The following ATP2C2 variants were observed in gnomAD, a reference collection of about 807,000 sequenced individuals.
ATP2C2 encodes the protein calcium-transporting ATPase type 2C member 2.
Under a neutral mutation model 110.8 loss-of-function variants are expected in ATP2C2, and 171 were observed. The ratio of observed to expected loss-of-function variants is 1.54; its 90% confidence interval spans 1.36 to 1.75. The LOEUF (loss-of-function observed/expected upper bound fraction) is 1.75, where lower values mean the gene tolerates loss of function less well. ATP2C2 is among the 40% of genes most tolerant of loss of function. The pLI, the probability that ATP2C2 is intolerant of heterozygous loss-of-function variation, is 0.00. For synonymous variants in ATP2C2, 804 were observed against 508.4 expected (o/e 1.58, Z -7.82); for missense variants, 1,963 against 1,235.0 (o/e 1.59, Z -8.84).
Position 84,461,806 on chromosome 16 carries a change from C to T in ATP2C2, c.2574C>T (p.Arg858=), listed in dbSNP as rs373892850. The stretch of plus-strand genomic sequence containing the variant: ...ATCTCTTCAACGCCTTGACCTGCCG[C>T]TCTCAGGTGAGACCCGGGCTGACCC... ...FFDLFNALTC[R]SQTKLIFEIG... is the part of the protein sequence containing the mutation. The change falls in exon 25 of 27, where the codon CGC becomes CGT. Residue 858 remains arginine (R), a synonymous_variant. Coordinates refer to ENST00000262429, the MANE Select transcript of ATP2C2 (RefSeq NM_014861.4). The T allele has an allele frequency of 1.5e-5, 24 of 1,613,792 alleles. No homozygotes were observed. Among genetic ancestry groups the T allele is most frequent in the Non-Finnish European group, 2.0e-5 (24 of 1,179,736 alleles).
At chr16:84,430,144 C>G (rs1908137645) in intron 11 of ATP2C2, among the ~76,000 whole-genome samples, 1 of 152,140 alleles carries the variant, frequency 6.6e-6, no homozygotes, top group African/African-American at 2.4e-5. Flanking sequence ...TCACGTGTAC[C>G]AGGAGTTAGG....
Position 84,459,402 on chromosome 16 carries a change from C to T in ATP2C2, c.2333+16C>T, listed in dbSNP as rs772784804. On this transcript the variant is annotated intron_variant, in intron 23 of 26. Coordinates refer to ENST00000262429, the MANE Select transcript of ATP2C2 (RefSeq NM_014861.4). ...CGGCGCAGAGGTGAGGCAGGGCCGGCTGGGAGCCCTGTGTCTCTTTACCCA... is the reference window on the plus strand; with the variant it reads ...CGGCGCAGAGGTGAGGCAGGGCCGGTTGGGAGCCCTGTGTCTCTTTACCCA... The T allele has an allele frequency of 1.2e-5, 19 of 1,611,370 alleles. No homozygotes were observed. The highest frequency in any genetic ancestry group is 1.4e-5 in the Non-Finnish European group (17 of 1,177,656).
intron 10 of ATP2C2, among the ~76,000 whole-genome samples, chr16:84,424,049 A>G (rs1051073584): frequency 6.6e-6 from 1 of 152,156 alleles, no homozygotes; most frequent in Non-Finnish European, 1.5e-5. Flanking sequence ...CCTGGCCCCT[A>G]ATAGATTCTC....
Position 84,408,438 on chromosome 16 carries a change from T to C in ATP2C2, c.361T>C (p.Ser121Pro), listed in dbSNP as rs781492774. Residue 121 changes from serine (S) to proline (P), a missense_variant, in exon 4 of 27, where the codon TCT becomes CCT. By Grantham distance (74) the Ser-to-Pro change is moderately conservative. Transcript: ENST00000262429. Reference protein sequence around the residue: ...KNPLILLLLGSALVSVLTKEY... With the variant: ...KNPLILLLLGPALVSVLTKEY... ...CCCCCTGATCCTGCTGCTGCTGGGC[T>C]CTGCCCTGGTGAGTGTCCTCACCAA... is the stretch of plus-strand genomic sequence containing the variant. The C allele has an allele frequency of 3.1e-6, 5 of 1,613,930 alleles. No homozygotes were observed. The highest frequency in any genetic ancestry group is 3.4e-6 in the Non-Finnish European group (4 of 1,180,004).
intron 1 of ATP2C2, among the ~76,000 whole-genome samples, chr16:84,388,753 T>A (rs998470928): frequency 1.1e-4 from 16 of 152,154 alleles, no homozygotes; most frequent in Admixed American, 9.2e-4. Flanking sequence ...ATTGTGAAAT[T>A]CTTTTTTTGT....
At chr16:84,418,455 C>G (rs146501988) in intron 7 of ATP2C2, among the ~76,000 whole-genome samples, 11 of 152,202 alleles carry the variant, frequency 7.2e-5, no homozygotes, top group Non-Finnish European at 4.4e-5. Context: ...GATCTTCTAC[C>G]TGCCTTTATT....
At chr16:84,400,293 C>G (rs1597763796) in intron 2 of ATP2C2, among the ~76,000 whole-genome samples, 1 of 150,884 alleles carries the variant, frequency 6.6e-6, no homozygotes, top group African/African-American at 2.4e-5. Context: ...AGGAGTGGGA[C>G]TGGGGATCAT....
At chr16:84,416,530 C>A (rs553852646) in intron 7 of ATP2C2, among the ~76,000 whole-genome samples, 1 of 152,254 alleles carries the variant, frequency 6.6e-6, no homozygotes, top group East Asian at 1.9e-4. Context: ...GGAAGCTACC[C>A]CCTGGGACCT....
intron 1 of ATP2C2, among the ~76,000 whole-genome samples, chr16:84,397,526 T>C (rs1037284146): frequency 6.6e-6 from 1 of 151,052 alleles, no homozygotes; most frequent in Non-Finnish European, 1.5e-5. Flanking sequence ...TATTAAAAAA[T>C]TAGCCAGGCA....
At position 84,398,575 on chromosome 16, in the gene ATP2C2, A is replaced by G. The variant is rs1338548148; in HGVS notation, c.176A>G (p.Lys59Arg). 1 of 1,613,342 alleles carries G rather than the reference A, an allele frequency of 6.2e-7. No homozygotes were observed. The highest frequency in any genetic ancestry group is 1.7e-5 in the Admixed American group (1 of 59,858). ...GCCCTGCCCCCCAAGGAAGCGTGCA[A>G]ATGCCAGAAAGAGGATTTGGCCAGA... ...VTALPPKEAC[K>R]CQKEDLARAF... is the part of the protein sequence containing the mutation. The change falls in exon 2 of 27, where the codon AAA becomes AGA. Residue 59 changes from lysine to arginine, a missense_variant. Physicochemically the swap from Lys to Arg is conservative, Grantham distance 26. Transcript: ENST00000262429.
chr16:84,376,189 A>T (rs1302908789), intron 1 of ATP2C2, among the ~76,000 whole-genome samples: 1 of 152,120 alleles, frequency 6.6e-6, no homozygotes, highest in Admixed American at 6.5e-5. Context: ...AGCACATTTG[A>T]AACTTCCACA....
intron 11 of ATP2C2, among the ~76,000 whole-genome samples, chr16:84,432,611 C>T (rs940898171): frequency 3.3e-5 from 5 of 152,090 alleles, no homozygotes; most frequent in African/African-American, 9.7e-5. Flanking sequence ...ACCTCCATCT[C>T]CTGGGTTCAA....
Position 84,463,936 on chromosome 16 carries a change from GGACA to G in ATP2C2, c.*210_*213del. On this transcript the variant is annotated 3_prime_UTR_variant, in exon 27 of 27. Coordinates refer to ENST00000262429, the MANE Select transcript of ATP2C2 (RefSeq NM_014861.4). ...CCATCCAGCGTTCCCGCTGGCTGTG[GGACA>G]GACAGGGAGGGGCCTGTACAGAAAC... 1 of 560,412 alleles carries G rather than the reference GGACA, an allele frequency of 1.8e-6. No homozygotes were observed. The highest frequency in any genetic ancestry group is 3.2e-6 in the Non-Finnish European group (1 of 313,740). The allele number at this position is 560,412 out of a possible 1,614,324, so 34.7% of individuals were successfully genotyped here.
chr16:84,398,708 A>G (rs1323394353), intron 2 of ATP2C2, 99 bp downstream of exon 2: 3 of 945,016 alleles, frequency 3.2e-6, no homozygotes, highest in South Asian at 1.8e-5. Flanking sequence ...ATTCTGTGTT[A>G]TTATCAATTT....
rs1421827582 is a variant in ATP2C2 at position 84,401,055 on chromosome 16, A to T, written c.210+2446A>T. 3.9e-5 allele frequency among the ~76,000 whole-genome samples: 6 copies of T among 152,196 alleles called. No individual in the cohort carries two copies. The East Asian group carries it at 1.2e-3, about 29-fold the overall frequency. ...TTGTTGATGATTTCCTTTGCTGTGC[A>T]GAAGCCTTTTAACTTGATGTGATTC... On this transcript the variant is annotated intron_variant, in intron 2 of 26. Transcript: ENST00000262429.
At position 84,439,010 on chromosome 16, in the gene ATP2C2, AG is replaced by A. The variant is rs2150565794; in HGVS notation, c.987-154del. The A allele has an allele frequency of 4.5e-6, 5 of 1,103,996 alleles. No homozygotes were observed. The East Asian group carries it at 1.2e-4, about 28-fold the overall frequency. 68.4% of individuals were successfully genotyped at this position (1,103,996 alleles called of 1,614,324 possible). ...TCAGGACAGTGGGTGCTGCAGAAGGAGGCAGGTGCACCTTAGGATTGGGAAT... is the reference window on the plus strand; with the variant it reads ...TCAGGACAGTGGGTGCTGCAGAAGGAGCAGGTGCACCTTAGGATTGGGAAT... On this transcript the variant is annotated intron_variant, in intron 11 of 26. Transcript: ENST00000262429.
intron 11 of ATP2C2, among the ~76,000 whole-genome samples, chr16:84,429,156 G>GTTTT (rs1908044578): frequency 6.6e-6 from 1 of 151,840 alleles, no homozygotes; most frequent in African/African-American, 2.4e-5. Flanking sequence ...TTGTTTGTTT[G>GTTTT]TTTGTTTGTT....
intron 26 of ATP2C2, chr16:84,463,087 G>C (rs1911551650): frequency 6.3e-6 from 1 of 157,558 alleles, no homozygotes; most frequent in Admixed American, 6.3e-5. Flanking sequence ...TCCCACGCCT[G>C]AAGGGGTTGT....
chr16:84,439,188 G>C lies in ATP2C2; in HGVS notation c.1009G>C (p.Glu337Gln). 2 of 1,612,246 alleles carry C rather than the reference G, an allele frequency of 1.2e-6. No individual in the cohort carries two copies. Among genetic ancestry groups the C allele is most frequent in the South Asian group, 1.1e-5 (1 of 90,984 alleles). ...GVSLAVAAIP[E>Q]GLPIVVMVTL... ...CAGCCTGGCTGTGGCGGCCATTCCA[G>C]AGGGTCTGCCCATCGTCGTCATGGT... The change falls in exon 12 of 27, where the codon GAG becomes CAG. Residue 337 changes from glutamate (E) to glutamine (Q), a missense_variant. Physicochemically the swap from Glu to Gln is conservative, Grantham distance 29 (BLOSUM62 2). Transcript: ENST00000262429.
Sources: gnomAD v4.1 joint callset for allele counts (sites outside exome capture counted in the v4.1 genomes callset) on GRCh38, gnomAD v4.1.1 for gene constraint, MANE v1.5 for transcripts, NCBI Gene and HGNC (gene_info 2026-07-23, HGNC 2026-07-21) for gene names.